The following ZNF346 variants were observed in gnomAD, a reference collection of about 807,000 sequenced individuals.
ZNF346 encodes the protein zinc finger protein 346.
ZNF346 carries 23 observed loss-of-function variants against 33.7 expected under a neutral mutation model. The ratio of observed to expected loss-of-function variants is 0.68; its 90% CI spans 0.49 to 0.97. ZNF346 has a LOEUF of 0.97. ZNF346 is among the 50% of genes least tolerant of loss of function. The pLI is 0.00. For synonymous variants in ZNF346, 134 were observed against 142.4 expected (o/e 0.94, Z 0.42); for missense variants, 340 against 371.1 (o/e 0.92, Z 0.69).
intron 5 of ZNF346, among the ~76,000 whole-genome samples, chr5:177,060,836 G>GC (rs35841692): frequency 0.58 from 88,208 of 151,536 alleles, 27,496 homozygotes; most frequent in African/African-American, 0.82. Context: ...TGTGGGCTGG[G>GC]GTGGTGGCTT....
At position 177,064,706 on chromosome 5, in the gene ZNF346, C is replaced by T. The variant is rs958962172; in HGVS notation, c.*107C>T. The T allele has an allele frequency of 3.6e-5, 32 of 882,308 alleles. No homozygotes were observed. The highest frequency in any genetic ancestry group is 5.2e-4 in the Middle Eastern group (2 of 3,810). The allele number at this position is 882,308 out of a possible 1,614,324, so 54.7% of individuals were successfully genotyped here. On this transcript the variant is annotated 3_prime_UTR_variant, in exon 7 of 7. Coordinates refer to ENST00000358149, the MANE Select transcript of ZNF346 (RefSeq NM_012279.4). ...TCGTTGTTCTCACCAGGAAAGTACA[C>T]GGGCCTGAGGCAGGATTGGGCCACA...
At chr5:177,029,755 G>T (rs1195653203) in intron 1 of ZNF346, among the ~76,000 whole-genome samples, 2 of 152,174 alleles carry the variant, frequency 1.3e-5, no homozygotes, top group Non-Finnish European at 2.9e-5. Context: ...CTTCTCCCCT[G>T]GTTTTTCCCT....
intron 4 of ZNF346, among the ~76,000 whole-genome samples, chr5:177,048,678 G>GT (rs1164540570): frequency 6.6e-6 from 1 of 151,892 alleles, no homozygotes; most frequent in Non-Finnish European, 1.5e-5. Flanking sequence ...TCTACTCTCT[G>GT]TGCTTTTGAT....
rs144414758 is a variant in ZNF346 at position 177,051,954 on chromosome 5, A to C, written c.703+1018A>C. The C allele has an allele frequency of 5.3e-5, 8 of 151,146 alleles. No individual in the cohort carries two copies. In the East Asian group the frequency reaches 1.6e-3, roughly 30 times the overall value. 9.4% of individuals were successfully genotyped at this position (151,146 alleles called of 1,614,324 possible). ...CAAGGTAGGAGGATCACTTGAGCCT[A>C]AGAGTTCAAGACCAGCCTGGCCAAC... On this transcript the variant is annotated intron_variant, in intron 5 of 6. Transcript: ENST00000358149.
downstream of ZNF346, among the ~76,000 whole-genome samples, chr5:177,069,645 C>T (rs1562047363): frequency 6.6e-6 from 1 of 152,156 alleles, no homozygotes; most frequent in African/African-American, 2.4e-5. Context: ...ATCCTCCCAC[C>T]TCAGCCTCCC....
intron 5 of ZNF346, among the ~76,000 whole-genome samples, chr5:177,061,038 G>C (rs928201036): frequency 1.3e-5 from 2 of 152,218 alleles, no homozygotes; most frequent in Admixed American, 6.5e-5. Flanking sequence ...CGTGAACCCG[G>C]GAGGCGGAGC....
At chr5:177,071,444 T>C (rs1783494932), downstream of ZNF346, among the ~76,000 whole-genome samples, 1 of 151,394 alleles carries the variant, frequency 6.6e-6, no homozygotes. Flanking sequence ...CCCAGCACTT[T>C]GGGAGGCTGA....
chr5:177,054,681 G>A (rs1199135096), intron 5 of ZNF346, among the ~76,000 whole-genome samples: 1 of 152,130 alleles, frequency 6.6e-6, no homozygotes, highest in Non-Finnish European at 1.5e-5. Flanking sequence ...TTACAGGCGT[G>A]AGCCCCCGTG....
chr5:177,025,508 T>G (rs1260146420), intron 1 of ZNF346, among the ~76,000 whole-genome samples: 1 of 152,234 alleles, frequency 6.6e-6, no homozygotes, highest in Admixed American at 6.5e-5. Context: ...CCTTTTATAT[T>G]TCTGCCATCA....
downstream of ZNF346, among the ~76,000 whole-genome samples, chr5:177,072,790 A>C (rs1267423561): frequency 6.6e-6 from 1 of 151,010 alleles, no homozygotes; most frequent in Non-Finnish European, 1.5e-5. Context: ...CGGAGGTTGC[A>C]GTGAGCCGAG....
At chr5:177,031,296 G>T (rs1022812834) in intron 1 of ZNF346, among the ~76,000 whole-genome samples, 7 of 152,206 alleles carry the variant, frequency 4.6e-5, no homozygotes, top group Non-Finnish European at 8.8e-5. Context: ...GCCTCCCAAA[G>T]TGCTGGGATT....
At chr5:177,038,917 C>T (rs905293230) in intron 1 of ZNF346, among the ~76,000 whole-genome samples, 29 of 110,872 alleles carry the variant, frequency 2.6e-4, no homozygotes, top group South Asian at 8.9e-4. Context: ...TGTGTGTGTC[C>T]GAGTTTTGCT....
intron 1 of ZNF346, among the ~76,000 whole-genome samples, chr5:177,038,876 T>TTGTCTG (rs1554145940): frequency 4.4e-5 from 6 of 135,358 alleles, no homozygotes; most frequent in African/African-American, 1.7e-4. Flanking sequence ...CTTCTTCTTC[T>TTGTCTG]TGTGTGTGTG....
chr5:177,074,103 A>G (rs1322872809), intron 8 of ZNF346, among the ~76,000 whole-genome samples: 1 of 152,200 alleles, frequency 6.6e-6, no homozygotes, highest in East Asian at 1.9e-4. Context: ...CAGAACTGCC[A>G]CCTGAGCCCA....
intron 4 of ZNF346, among the ~76,000 whole-genome samples, chr5:177,047,270 A>G (rs567783341): frequency 6.6e-6 from 1 of 151,444 alleles, no homozygotes; most frequent in East Asian, 1.9e-4. Context: ...GCTGGTCTTG[A>G]ACTCCTGGCC....
intron 4 of ZNF346, among the ~76,000 whole-genome samples, 181 bp downstream of exon 4, chr5:177,044,714 T>C (rs1048445769): frequency 2.6e-5 from 4 of 152,210 alleles, no homozygotes; most frequent in African/African-American, 9.6e-5. Flanking sequence ...AGAATTATGC[T>C]CACCTAACCT....
At chr5:177,078,077 G>A (rs1398427191) in intron 8 of ZNF346, among the ~76,000 whole-genome samples, 1 of 152,112 alleles carries the variant, frequency 6.6e-6, no homozygotes, top group East Asian at 1.9e-4. Flanking sequence ...AACCCGGGAG[G>A]TGGAGGTTGC....
At chr5:177,070,640 A>G (rs1222524556), downstream of ZNF346, among the ~76,000 whole-genome samples, 1 of 152,200 alleles carries the variant, frequency 6.6e-6, no homozygotes, top group Non-Finnish European at 1.5e-5. Flanking sequence ...CACATGATAA[A>G]TGCTATATAA....
rs544052435 is a variant in ZNF346, at chr5:177,022,711, T to C, written c.-28T>C. 60 of 1,524,714 alleles carry C rather than the reference T, an allele frequency of 3.9e-5. No individual in the cohort carries two copies. Among genetic ancestry groups the C allele is most frequent in the Non-Finnish European group, 5.2e-5 (59 of 1,142,624 alleles). 94.4% of individuals were successfully genotyped at this position (1,524,714 alleles called of 1,614,324 possible). On this transcript the variant is annotated 5_prime_UTR_variant, in exon 1 of 7. Coordinates refer to ENST00000358149, the MANE Select transcript of ZNF346 (RefSeq NM_012279.4). ...CGCGATACCTAGGCGCCTGAGAGGC[T>C]CTCTACCGGTGAGGGTTTGCGGGGA... is the stretch of plus-strand genomic sequence containing the variant.
Sources: allele counts gnomAD v4.1 joint callset (sites outside exome capture counted in the v4.1 genomes callset), GRCh38; gene constraint gnomAD v4.1.1; transcripts MANE v1.5; gene names NCBI Gene and HGNC (gene_info 2026-07-23, HGNC 2026-07-21).